Variants in ALDH18A1 observed in about 807,000 individuals in gnomAD.
ALDH18A1 encodes delta-1-pyrroline-5-carboxylate synthase.
Under a neutral mutation model 88.8 loss-of-function variants are expected in ALDH18A1, and 44 were observed. The ratio of observed to expected loss-of-function variants is 0.50; its 90% CI spans 0.39 to 0.64. ALDH18A1 has a LOEUF of 0.64. Ranked by LOEUF, ALDH18A1 falls within the 30% of genes least tolerant of loss-of-function variation. The pLI, the probability that ALDH18A1 is intolerant of heterozygous loss-of-function variation, is 0.00. For synonymous variants in ALDH18A1, 331 were observed against 372.1 expected, an observed-to-expected ratio of 0.89 and a Z score of 1.27; for missense variants, 782 against 1,009.5, an observed-to-expected ratio of 0.77 and a Z score of 3.05.
intron 15 of ALDH18A1, among the ~76,000 whole-genome samples, chr10:95,611,644 C>G (rs2097834749): frequency 6.6e-6 from 1 of 152,146 alleles, no homozygotes; most frequent in East Asian, 1.9e-4. Context: ...ACAGTTGGAA[C>G]AGGGATTGAA....
At chr10:95,634,789 T>C (rs566202066) in intron 5 of ALDH18A1, among the ~76,000 whole-genome samples, 18 of 152,230 alleles carry the variant, frequency 1.2e-4, no homozygotes, top group African/African-American at 4.3e-4. Flanking sequence ...AATGGGTGAA[T>C]GGAGATAGCA....
intron 17 of ALDH18A1, among the ~76,000 whole-genome samples, chr10:95,607,242 CT>C (rs1302811657): frequency 7.9e-5 from 12 of 152,204 alleles, no homozygotes; most frequent in Admixed American, 6.5e-5. Flanking sequence ...AGTTTAGCAT[CT>C]GAATTGCATA....
At chr10:95,624,635 G>C (rs2097857928) in intron 11 of ALDH18A1, among the ~76,000 whole-genome samples, 1 of 152,152 alleles carries the variant, frequency 6.6e-6, no homozygotes, top group Non-Finnish European at 1.5e-5. Flanking sequence ...TTAAGAAAAA[G>C]AGGAGAAAGA....
intron 12 of ALDH18A1, 34 bp downstream of exon 12, chr10:95,620,997 G>A: frequency 6.3e-7 from 1 of 1,592,668 alleles, no homozygotes; most frequent in Middle Eastern, 1.7e-4. Flanking sequence ...GCCCCCAATG[G>A]CAGGGTATTT....
chr10:95,634,043 G>C (rs570546121), intron 5 of ALDH18A1, among the ~76,000 whole-genome samples: 2 of 152,144 alleles, frequency 1.3e-5, no homozygotes, highest in South Asian at 4.2e-4. Context: ...CTGGCCTCAA[G>C]TGATGGGATT....
chr10:95,623,823 C>T (rs1489621879), intron 11 of ALDH18A1, among the ~76,000 whole-genome samples: 1 of 151,590 alleles, frequency 6.6e-6, no homozygotes, highest in Non-Finnish European at 1.5e-5. Context: ...CCTAGGCCTC[C>T]GAAAGTGCTG....
intron 9 of ALDH18A1, 27 bp from the exon 10 acceptor site, chr10:95,626,803 T>A (rs1193354328): frequency 6.2e-7 from 1 of 1,612,618 alleles, no homozygotes; most frequent in South Asian, 1.1e-5. Flanking sequence ...AAATATCAGG[T>A]CATGGTCACC....
At chr10:95,637,255 T>A in intron 4 of ALDH18A1, 32 bp downstream of exon 4, 1 of 1,614,218 alleles carries the variant, frequency 6.2e-7, no homozygotes, top group Non-Finnish European at 8.5e-7. Flanking sequence ...GACCTGAAGA[T>A]CCATTTCAAT....
Position 95,628,494 on chromosome 10 carries a change from T to TA in ALDH18A1, c.809-3dup. The TA allele has an allele frequency of 6.2e-7, 1 of 1,612,716 alleles. No individual in the cohort carries two copies. Among genetic ancestry groups the TA allele is most frequent in the Non-Finnish European group, 8.5e-7 (1 of 1,179,856 alleles). ...AACCTGGGGGGCTGTCAAAAAGGCC[T>TA]AAAAAATAGACAAGAGTCAGTAATA... On this transcript the variant is annotated splice_region_variant and splice_polypyrimidine_tract_variant and intron_variant, in intron 7 of 17. Transcript: ENST00000371224.
chr10:95,606,785 T>C lies in ALDH18A1; in HGVS notation c.2365A>G (p.Ile789Val), dbSNP rs2097823503. The C allele has an allele frequency of 1.9e-6, 3 of 1,614,040 alleles. No homozygotes were observed. The highest frequency in any genetic ancestry group is 2.7e-5 in the African/African-American group (2 of 74,910). ...SLKYLHENLPIPQRNTN is the reference protein window; with the variant it reads ...SLKYLHENLPVPQRNTN ...TTTCAGTTGGTGTTTCTCTGAGGAATAGGGAGGTTCTCATGAAGATATTTT... is the reference window on the plus strand; with the variant it reads ...TTTCAGTTGGTGTTTCTCTGAGGAACAGGGAGGTTCTCATGAAGATATTTT... Residue 789 changes from isoleucine (I) to valine (V), a missense_variant, in exon 18 of 18, where the codon ATT becomes GTT. By Grantham distance (29) the Ile-to-Val change is conservative (BLOSUM62 3). Coordinates refer to ENST00000371224, the MANE Select transcript of ALDH18A1 (RefSeq NM_002860.4).
In ALDH18A1 at chr10:95,606,736, A is replaced by C. The variant is rs1489250723; in HGVS notation, c.*26T>G. On this transcript the variant is annotated 3_prime_UTR_variant, in exon 18 of 18. Transcript: ENST00000371224. ...AAGTTTAACGTGAAGACCTTTTGGAAAATTCCCGGGTTTTCCTGGCTCTTT... is the reference window on the plus strand; with the variant it reads ...AAGTTTAACGTGAAGACCTTTTGGACAATTCCCGGGTTTTCCTGGCTCTTT... 6.2e-7 allele frequency: 1 copy of C among 1,614,074 alleles called. No homozygotes were observed. The highest frequency in any genetic ancestry group is 8.5e-7 in the Non-Finnish European group (1 of 1,179,984).
At chr10:95,610,359 T>C (rs2097831624) in intron 16 of ALDH18A1, 67 bp from the exon 17 acceptor site, 2 of 1,507,994 alleles carry the variant, frequency 1.3e-6, no homozygotes, top group African/African-American at 1.4e-5. Context: ...TTCCAGCCAT[T>C]GACTGGTGAC....
chr10:95,625,180 A>C (rs1033067264), intron 11 of ALDH18A1, among the ~76,000 whole-genome samples, 182 bp downstream of exon 11: 4 of 152,172 alleles, frequency 2.6e-5, no homozygotes, highest in African/African-American at 4.8e-5. Context: ...GGGTTGTACT[A>C]AAGTATTTGG....
At chr10:95,628,157 T>C (rs1160891446) in intron 8 of ALDH18A1, among the ~76,000 whole-genome samples, 2 of 152,218 alleles carry the variant, frequency 1.3e-5, no homozygotes, top group African/African-American at 4.8e-5. Flanking sequence ...ACACTGTTCA[T>C]ACAATATTAA....
intron 11 of ALDH18A1, among the ~76,000 whole-genome samples, chr10:95,624,718 C>T (rs959908324): frequency 2.0e-5 from 3 of 152,156 alleles, no homozygotes; most frequent in Admixed American, 2.0e-4. Context: ...CCATTAGCAC[C>T]TCTAGGGTAT....
chr10:95,608,401 G>A (rs1414518881), intron 17 of ALDH18A1, among the ~76,000 whole-genome samples: 1 of 152,222 alleles, frequency 6.6e-6, no homozygotes, highest in Non-Finnish European at 1.5e-5. Flanking sequence ...AAGAATAACT[G>A]AGTTAAATTC....
At chr10:95,639,547 A>T (rs887556826) in intron 3 of ALDH18A1, among the ~76,000 whole-genome samples, 2 of 151,622 alleles carry the variant, frequency 1.3e-5, no homozygotes, top group Non-Finnish European at 2.9e-5. Context: ...GCTCAGTAAT[A>T]ACTGCTAAAA....
chr10:95,641,834 G>T (rs1445482382), intron 3 of ALDH18A1, among the ~76,000 whole-genome samples: 1 of 151,754 alleles, frequency 6.6e-6, no homozygotes, highest in Non-Finnish European at 1.5e-5. Context: ...AGAGATGGGG[G>T]TCTCACTATG....
intron 12 of ALDH18A1, among the ~76,000 whole-genome samples, chr10:95,618,040 C>T (rs148960062): frequency 7.8e-4 from 119 of 152,224 alleles, no homozygotes; most frequent in Non-Finnish European, 1.4e-3. Flanking sequence ...TTCCAGATTC[C>T]ACAGTCAACT....
Sources: allele counts gnomAD v4.1 joint callset (sites outside exome capture counted in the v4.1 genomes callset), GRCh38; gene constraint gnomAD v4.1.1; transcripts MANE v1.5; gene names NCBI Gene and HGNC (gene_info 2026-07-23, HGNC 2026-07-21).